SORCS3: variants seen among roughly 807,000 people sequenced by gnomAD.
SORCS3 encodes sortilin related VPS10 domain containing receptor 3, also known as VPS10 domain-containing receptor SorCS3.
SORCS3 carries 57 observed loss-of-function variants against 146.3 expected under a neutral mutation model. That is an observed-to-expected ratio of 0.39 (90% confidence interval 0.31 to 0.49). The LOEUF (loss-of-function observed/expected upper bound fraction) is 0.49, where lower values mean the gene tolerates loss of function less well. SORCS3 is among the 20% of genes least tolerant of loss of function. SORCS3 has a pLI of 0.92. For missense variants in SORCS3, 1,341 were observed against 1,575.5 expected (o/e 0.85, Z 2.52); for synonymous variants, 653 against 618.5 (o/e 1.06, Z -0.83).
intron 1 of SORCS3, among the ~76,000 whole-genome samples, chr10:104,730,855 C>A (rs750941099): frequency 6.6e-6 from 1 of 152,144 alleles, no homozygotes; most frequent in Non-Finnish European, 1.5e-5. Context: ...TGGGGGAAAC[C>A]AACCCCATGA....
chr10:105,063,132 G>A (rs1280780891), intron 5 of SORCS3, among the ~76,000 whole-genome samples: 1 of 152,200 alleles, frequency 6.6e-6, no homozygotes, highest in Non-Finnish European at 1.5e-5. Flanking sequence ...AATTCCTTAT[G>A]TCAAAATGAC....
At chr10:104,948,593 T>TA (rs1344513919) in intron 3 of SORCS3, among the ~76,000 whole-genome samples, 2 of 152,196 alleles carry the variant, frequency 1.3e-5, no homozygotes, top group African/African-American at 4.8e-5. Flanking sequence ...CTCATGGCAT[T>TA]AACTTTCCGG....
chr10:105,049,095 C>T (rs2055393909), intron 5 of SORCS3, among the ~76,000 whole-genome samples: 1 of 151,960 alleles, frequency 6.6e-6, no homozygotes, highest in Non-Finnish European at 1.5e-5. Flanking sequence ...TTTAGGTAGC[C>T]CAAGTAAAGA....
intron 1 of SORCS3, among the ~76,000 whole-genome samples, chr10:104,770,989 A>C (rs1039172887): frequency 6.6e-6 from 1 of 152,186 alleles, no homozygotes; most frequent in African/African-American, 2.4e-5. Context: ...AACTGCCACT[A>C]TGCCTTCTAA....
At chr10:104,723,527 A>G (rs1178105209) in intron 1 of SORCS3, among the ~76,000 whole-genome samples, 10 of 152,026 alleles carry the variant, frequency 6.6e-5, no homozygotes, top group Admixed American at 2.6e-4. Flanking sequence ...CAATTCCTGG[A>G]TATCCTTGTT....
In SORCS3 at chr10:104,726,330, C is replaced by T. The variant is rs184684605; in HGVS notation, c.627+84376C>T. The stretch of plus-strand genomic sequence containing the variant: ...GAGTGTTCGTACTTGGCCTTTCTTC[C>T]TATGAGGGCACTTGTTTGTAAATGG... On this transcript the variant is annotated intron_variant, in intron 1 of 26. Coordinates refer to ENST00000369701, the MANE Select transcript of SORCS3 (RefSeq NM_014978.3). Among the ~76,000 whole-genome samples the T allele has an allele frequency of 1.4e-4, 22 of 152,292 alleles. No individual in the cohort carries two copies. In the East Asian group the frequency reaches 3.1e-3, roughly 21 times the overall value.
At chr10:105,156,376 C>G (rs752510360) in intron 9 of SORCS3, among the ~76,000 whole-genome samples, 2 of 152,092 alleles carry the variant, frequency 1.3e-5, no homozygotes, top group Non-Finnish European at 2.9e-5. Context: ...TTGTGCTTAC[C>G]CTAGAACCCT....
intron 5 of SORCS3, among the ~76,000 whole-genome samples, chr10:105,067,041 G>C (rs1161144408): frequency 6.6e-6 from 1 of 152,110 alleles, no homozygotes; most frequent in Non-Finnish European, 1.5e-5. Flanking sequence ...CCAGCTGTTA[G>C]GGGTTTTGCT....
At chr10:104,678,992 G>A (rs2133263306) in intron 1 of SORCS3, among the ~76,000 whole-genome samples, 1 of 152,308 alleles carries the variant, frequency 6.6e-6, no homozygotes, top group South Asian at 2.1e-4. Context: ...GGGAATGAAA[G>A]TTCTAAACAT....
chr10:105,007,903 T>C (rs1025550638), intron 4 of SORCS3, among the ~76,000 whole-genome samples: 2 of 152,080 alleles, frequency 1.3e-5, no homozygotes, highest in Non-Finnish European at 2.9e-5. Context: ...GGGACCTCTT[T>C]CCTGGGAAGA....
At chr10:105,095,581 T>A (rs2055739888) in intron 6 of SORCS3, among the ~76,000 whole-genome samples, 1 of 152,090 alleles carries the variant, frequency 6.6e-6, no homozygotes, top group African/African-American at 2.4e-5. Context: ...CTCCAAGCCC[T>A]GGTAGAGGGT....
intron 2 of SORCS3, among the ~76,000 whole-genome samples, chr10:104,885,793 AT>A (rs2018676247): frequency 1.3e-5 from 2 of 152,160 alleles, no homozygotes; most frequent in African/African-American, 2.4e-5. Context: ...GGATTTTGAC[AT>A]TTTTCCTTAA....
At chr10:104,804,266 G>A (rs2133512430) in intron 1 of SORCS3, among the ~76,000 whole-genome samples, 1 of 152,334 alleles carries the variant, frequency 6.6e-6, no homozygotes, top group East Asian at 1.9e-4. Flanking sequence ...AAGGCCATAT[G>A]ACCACTAAGT....
At chr10:105,206,627 A>T (rs1260306946) in intron 16 of SORCS3, among the ~76,000 whole-genome samples, 1 of 152,236 alleles carries the variant, frequency 6.6e-6, no homozygotes, top group East Asian at 1.9e-4. Context: ...ACATTAGATT[A>T]GGAGAAATAT....
At chr10:105,200,921 C>T (rs2306653) in intron 15 of SORCS3, among the ~76,000 whole-genome samples, 199 bp from the exon 16 acceptor site, 39,051 of 151,958 alleles carry the variant, frequency 0.26, 5,081 homozygotes, top group South Asian at 0.35. Flanking sequence ...AGTGGGCCCA[C>T]CTTCCATAAT....
intron 4 of SORCS3, among the ~76,000 whole-genome samples, chr10:105,037,650 A>G (rs908211934): frequency 6.6e-6 from 1 of 152,076 alleles, no homozygotes; most frequent in African/African-American, 2.4e-5. Flanking sequence ...ATTTCTCCTT[A>G]TGAGAACACC....
intron 3 of SORCS3, among the ~76,000 whole-genome samples, chr10:104,919,759 G>C (rs2019068833): frequency 6.6e-6 from 1 of 151,950 alleles, no homozygotes; most frequent in Non-Finnish European, 1.5e-5. Context: ...CATCATCCAA[G>C]AAAAAATGAA....
At chr10:104,966,615 C>T (rs980871752) in intron 3 of SORCS3, among the ~76,000 whole-genome samples, 5 of 152,164 alleles carry the variant, frequency 3.3e-5, no homozygotes, top group East Asian at 1.9e-4. Context: ...GACTGAGAAA[C>T]GTTTAGCTTT....
chr10:105,038,387 G>A (rs11192291), intron 4 of SORCS3, among the ~76,000 whole-genome samples: 9,381 of 152,250 alleles, frequency 0.062, 865 homozygotes, highest in African/African-American at 0.2. Flanking sequence ...CACTAACTGT[G>A]ATAATTTCTG....
Sources: allele counts gnomAD v4.1 joint callset (sites outside exome capture counted in the v4.1 genomes callset), GRCh38; gene constraint gnomAD v4.1.1; transcripts MANE v1.5; gene names NCBI Gene and HGNC (gene_info 2026-07-23, HGNC 2026-07-21).